GCN1: variants seen among roughly 807,000 people sequenced by gnomAD.
GCN1 encodes stalled ribosome sensor GCN1.
GCN1 carries 90 observed loss-of-function variants against 288.4 expected under a neutral mutation model. That is an observed-to-expected ratio of 0.31 (90% CI 0.26 to 0.37). GCN1 has a LOEUF of 0.37. GCN1 is among the 10% of genes least tolerant of loss of function. The pLI is 1.00. For missense variants in GCN1, 2,586 were observed against 3,419.9 expected, an observed-to-expected ratio of 0.76 and a Z score of 6.08; for synonymous variants, 1,386 against 1,420.2, an observed-to-expected ratio of 0.98 and a Z score of 0.54.
In GCN1 at chr12:120,142,791, C is replaced by G; in HGVS notation, c.5613+33G>C. ...GCATGGGCATCAGGGCACACCCTACCATCAGCAGGGGCAGGAAAGCCACTG... is the reference window on the plus strand; with the variant it reads ...GCATGGGCATCAGGGCACACCCTACGATCAGCAGGGGCAGGAAAGCCACTG... On this transcript the variant is annotated intron_variant, in intron 43 of 57. Transcript: ENST00000300648. The surrounding 1 kb of genome is among the most constrained non-coding windows in gnomAD (Gnocchi z 4.9). 1 of 1,591,178 alleles carries G rather than the reference C, an allele frequency of 6.3e-7. No individual in the cohort carries two copies. Among genetic ancestry groups the G allele is most frequent in the Non-Finnish European group, 8.6e-7 (1 of 1,159,120 alleles).
At chr12:120,161,256 C>T (rs1388212637) in intron 22 of GCN1, among the ~76,000 whole-genome samples, 4 of 152,126 alleles carry the variant, frequency 2.6e-5, no homozygotes, top group African/African-American at 7.2e-5. Context: ...CGTGCACTGT[C>T]GCCAGCACCC....
intron 2 of GCN1, among the ~76,000 whole-genome samples, chr12:120,188,684 C>T (rs1878906734): frequency 1.3e-5 from 2 of 151,742 alleles, no homozygotes; most frequent in African/African-American, 4.8e-5. Context: ...CCTGTCTCTA[C>T]TAAATATACA....
intron 57 of GCN1, among the ~76,000 whole-genome samples, chr12:120,128,966 T>C (rs1418238442): frequency 6.7e-5 from 10 of 149,928 alleles, no homozygotes; most frequent in Non-Finnish European, 1.3e-4. Context: ...CTCAGCCTCC[T>C]GAGTAGCTGG....
chr12:120,194,139 T>A (rs1407982761), intron 1 of GCN1, among the ~76,000 whole-genome samples: 1 of 152,242 alleles, frequency 6.6e-6, no homozygotes, highest in East Asian at 1.9e-4. Flanking sequence ...CCTTTTAAGA[T>A]AAGTATTGTT....
intron 10 of GCN1, 116 bp from the exon 11 acceptor site, chr12:120,175,990 A>T: frequency 7.1e-7 from 1 of 1,416,982 alleles, no homozygotes; most frequent in Non-Finnish European, 9.8e-7. Flanking sequence ...TCATTCAAAT[A>T]ATCTCAAGAA....
At chr12:120,185,953 AGAGTGAAACAGATACACCCTAACTCTG>A (rs1194920285) in intron 2 of GCN1, among the ~76,000 whole-genome samples, 8 of 152,320 alleles carry the variant, frequency 5.3e-5, no homozygotes, top group Non-Finnish European at 4.4e-5. Flanking sequence ...CCAGCCAGTC[AGAGTGAAACAGATACACCCTAACTCTG>A]GAGTGAAACA....
At chr12:120,170,093 A>C in intron 15 of GCN1, 76 bp downstream of exon 15, 1 of 1,326,020 alleles carries the variant, frequency 7.5e-7, no homozygotes, top group Non-Finnish European at 1.1e-6. Flanking sequence ...CTAATCCTGA[A>C]CATCAAGACA....
At position 120,128,439 on chromosome 12, in the gene GCN1, G is replaced by A. The variant is rs539532480; in HGVS notation, c.7891-465C>T. Among the ~76,000 whole-genome samples the A allele has an allele frequency of 2.0e-4, 31 of 151,900 alleles. 1 individual carries two copies. The South Asian group carries it at 5.2e-3, about 25-fold the overall frequency. ...CAACCTCCGCCTCCCAGGTTCAAGC[G>A]ATTCTCCTGCCTCAGCTTCCCGAGT... On this transcript the variant is annotated intron_variant, in intron 57 of 57. Coordinates refer to ENST00000300648, the MANE Select transcript of GCN1 (RefSeq NM_006836.2).
At chr12:120,150,665 C>T (rs777133972) in intron 34 of GCN1, among the ~76,000 whole-genome samples, 2 of 151,888 alleles carry the variant, frequency 1.3e-5, no homozygotes, top group African/African-American at 4.8e-5. Context: ...TGGCCGGGCG[C>T]GGTGGTTCAT....
intron 38 of GCN1, 67 bp from the exon 39 acceptor site, chr12:120,145,397 T>C (rs569000710): frequency 2.3e-5 from 28 of 1,234,552 alleles, no homozygotes; most frequent in Non-Finnish European, 3.0e-5. Context: ...TGTTCCACTG[T>C]GGACCCTGAC....
At position 120,144,843 on chromosome 12, in the gene GCN1, A is replaced by G; in HGVS notation, c.5156-8T>C. On this transcript the variant is annotated splice_polypyrimidine_tract_variant and splice_region_variant and intron_variant, in intron 40 of 57. Transcript: ENST00000300648. The surrounding 1 kb of genome is among the most constrained non-coding windows in gnomAD (Gnocchi z 4.7). ...CCATGACCTCAGCCAACCCTGCAAC[A>G]AAGGACAGAATGAGTCCACTGGATC... 6.2e-7 allele frequency: 1 copy of G among 1,614,150 alleles called. No homozygotes were observed. Among genetic ancestry groups the G allele is most frequent in the Non-Finnish European group, 8.5e-7 (1 of 1,180,004 alleles).
Position 120,144,483 on chromosome 12 carries a change from C to T in GCN1, c.5353-35G>A, listed in dbSNP as rs772597598. ...CAGAGGGTGGGTCAGCCAGAGCTGC[C>T]ACCCCCAGGCCCCCAGCCCAAAAAA... On this transcript the variant is annotated intron_variant, in intron 41 of 57. Coordinates refer to ENST00000300648, the MANE Select transcript of GCN1 (RefSeq NM_006836.2). This position sits in a 1 kb window ranked among gnomAD's most constrained non-coding sequence, Gnocchi z 4.7. The T allele has an allele frequency of 6.3e-7, 1 of 1,598,852 alleles. No homozygotes were observed. The highest frequency in any genetic ancestry group is 8.5e-7 in the Non-Finnish European group (1 of 1,171,008).
intron 14 of GCN1, among the ~76,000 whole-genome samples, chr12:120,171,681 T>C (rs1878318936): frequency 6.6e-6 from 1 of 152,210 alleles, no homozygotes; most frequent in Non-Finnish European, 1.5e-5. Context: ...TTATATTATG[T>C]TTATTTTAAA....
chr12:120,191,470 CATG>C (rs1879001864), intron 1 of GCN1, among the ~76,000 whole-genome samples: 1 of 152,198 alleles, frequency 6.6e-6, no homozygotes, highest in South Asian at 2.1e-4. Flanking sequence ...TAGAGCAGGG[CATG>C]ATAAGGCTCA....
intron 20 of GCN1, chr12:120,162,369 G>A (rs1334614388): frequency 4.8e-6 from 2 of 418,890 alleles, no homozygotes; most frequent in Non-Finnish European, 8.7e-6. Context: ...AAGGATGGGT[G>A]CAGAGATGAG....
intron 34 of GCN1, 144 bp downstream of exon 34, chr12:120,151,001 G>T (rs1877530668): frequency 1.2e-6 from 1 of 860,864 alleles, no homozygotes; most frequent in Non-Finnish European, 1.8e-6. Flanking sequence ...GGACGCAGCT[G>T]GACTGGGTCG....
Position 120,154,991 on chromosome 12 carries a change from G to A in GCN1, c.3680C>T (p.Pro1227Leu), listed in dbSNP as rs756217430. ...ATACCTGGCTTCCCACTGATCTGGA[G>A]GAGATTCTGAAATAACTCGTCCCAA... Reference protein sequence around the residue: ...DALGRVISESPPDQWEARCGL... With the variant: ...DALGRVISESLPDQWEARCGL... Residue 1227 changes from proline (P) to leucine (L), a missense_variant, in exon 31 of 58, where the codon CCT becomes CTT. Pro to Leu is a moderately conservative substitution (Grantham distance 98). Around this residue, in one of 8 missense-constraint regions of GCN1, gnomAD observed 332 missense variants for 403.0 expected, o/e 0.82. Coordinates refer to ENST00000300648, the MANE Select transcript of GCN1 (RefSeq NM_006836.2). The A allele has an allele frequency of 1.9e-6, 3 of 1,613,648 alleles. No individual in the cohort carries two copies. Among genetic ancestry groups the A allele is most frequent in the Non-Finnish European group, 2.5e-6 (3 of 1,179,626 alleles).
At chr12:120,180,711 G>A (rs556433244) in intron 5 of GCN1, among the ~76,000 whole-genome samples, 2 of 149,794 alleles carry the variant, frequency 1.3e-5, no homozygotes, top group East Asian at 2.0e-4. Flanking sequence ...GCTTGTGGCC[G>A]GGCGCGGTGG....
Position 120,194,663 on chromosome 12 carries a change from G to A in GCN1, c.18+17C>T, listed in dbSNP as rs1036503110. The A allele has an allele frequency of 5.3e-6, 8 of 1,513,808 alleles. No individual in the cohort carries two copies. The African/African-American group carries it at 5.7e-5, about 11-fold the overall frequency. 93.8% of individuals were successfully genotyped at this position (1,513,808 alleles called of 1,614,324 possible). On this transcript the variant is annotated intron_variant, in intron 1 of 57. Transcript: ENST00000300648. ...CCCAGTCCCTGGCCGCGTTGGCCCC[G>A]CAGCCGCCCGCCTCACCTGCGTGTC...
Sources: allele counts gnomAD v4.1 joint callset (sites outside exome capture counted in the v4.1 genomes callset), GRCh38; gene constraint gnomAD v4.1.1; regional missense constraint gnomAD v4.1.1; non-coding constraint Gnocchi (gnomAD v3.1); transcripts MANE v1.5; gene names NCBI Gene and HGNC (gene_info 2026-07-23, HGNC 2026-07-21).